Variants in RAPGEF6 observed in about 807,000 individuals in gnomAD.
The protein encoded by RAPGEF6 is Rap guanine nucleotide exchange factor 6, also known as PDZ domain containing guanine nucleotide exchange factor (GEF) 2.
Under a neutral mutation model 171.4 loss-of-function variants are expected in RAPGEF6, and 56 were observed. That is an observed-to-expected ratio of 0.33 (90% CI 0.26 to 0.41). The LOEUF (loss-of-function observed/expected upper bound fraction) is 0.41, where lower values mean the gene tolerates loss of function less well. Ranked by LOEUF, RAPGEF6 falls within the 10% of genes least tolerant of loss-of-function variation. The probability of loss-of-function intolerance (pLI) is 1.00; values close to 1 mark genes in which losing one functional copy is unlikely to be tolerated. For missense variants in RAPGEF6, 1,674 were observed against 1,921.4 expected (o/e 0.87, Z 2.41); for synonymous variants, 692 against 650.1 (o/e 1.06, Z -0.98).
rs79403868 is a variant in RAPGEF6, at chr5:131,599,012, T to C, written c.197+4259A>G. Among the ~76,000 whole-genome samples the C allele has an allele frequency of 4.6e-5, 7 of 152,300 alleles. No individual in the cohort carries two copies. The East Asian group carries it at 1.4e-3, about 29-fold the overall frequency. ...GAATACAAACTCATGCTATCAGATA[T>C]CAAAACACACAGCTTAGGCCGAGCG... On this transcript the variant is annotated intron_variant, in intron 3 of 27. Transcript: ENST00000509018.
rs377112442 is a variant in RAPGEF6, at chr5:131,505,353, G to A, written c.1101+11C>T. 7 of 1,612,746 alleles carry A rather than the reference G, an allele frequency of 4.3e-6. No homozygotes were observed. Among genetic ancestry groups the A allele is most frequent in the Admixed American group, 1.7e-5 (1 of 59,958 alleles). On this transcript the variant is annotated intron_variant, in intron 10 of 27. Transcript: ENST00000509018. Reference sequence around the variant, plus strand: ...ACAGACAAGAAGACTTGACCAAAGAGATAATCTTACCTGACAATCATCTAC... The same window carrying A: ...ACAGACAAGAAGACTTGACCAAAGAAATAATCTTACCTGACAATCATCTAC...
intron 5 of RAPGEF6, among the ~76,000 whole-genome samples, chr5:131,560,041 T>C (rs1761496828): frequency 1.3e-5 from 2 of 152,280 alleles, no homozygotes; most frequent in South Asian, 4.1e-4. Context: ...AAATTTCACC[T>C]ATTTTGGATT....
chr5:131,587,004 C>T (rs1010208960), intron 4 of RAPGEF6, among the ~76,000 whole-genome samples: 8 of 152,146 alleles, frequency 5.3e-5, no homozygotes, highest in African/African-American at 1.4e-4. Context: ...AAGAGCCTGG[C>T]CCCTCCTCTT....
intron 3 of RAPGEF6, among the ~76,000 whole-genome samples, chr5:131,594,411 G>C (rs1365746065): frequency 1.3e-5 from 2 of 152,376 alleles, no homozygotes; most frequent in East Asian, 3.9e-4. Flanking sequence ...GAGGATGTAT[G>C]GAAATGCCTG....
chr5:131,463,606 G>A (rs980524341), intron 18 of RAPGEF6: 28 of 653,854 alleles, frequency 4.3e-5, no homozygotes, highest in Admixed American at 6.4e-5. Context: ...CCAGAGTAAG[G>A]AACAAATGTA....
intron 27 of RAPGEF6, 127 bp downstream of exon 27, chr5:131,428,775 T>A (rs1751522754): frequency 9.1e-7 from 1 of 1,093,810 alleles, no homozygotes. Flanking sequence ...AGGAACTTCT[T>A]ACTTTTTAAC....
At chr5:131,554,658 T>G (rs1210874313) in intron 5 of RAPGEF6, among the ~76,000 whole-genome samples, 1 of 152,088 alleles carries the variant, frequency 6.6e-6, no homozygotes, top group African/African-American at 2.4e-5. Context: ...TAGCTGGGAT[T>G]AGAGGCGCCT....
chr5:131,431,427 G>T, intron 25 of RAPGEF6, 78 bp from the exon 26 acceptor site: 1 of 1,474,548 alleles, frequency 6.8e-7, no homozygotes, highest in Non-Finnish European at 9.1e-7. Flanking sequence ...ATTATTGCCT[G>T]TGAGAAACTA....
At chr5:131,607,695 A>G (rs1282933751) in intron 1 of RAPGEF6, among the ~76,000 whole-genome samples, 2 of 152,186 alleles carry the variant, frequency 1.3e-5, no homozygotes, top group Non-Finnish European at 2.9e-5. Flanking sequence ...GTACCCTTAG[A>G]GTCCTTGGTA....
chr5:131,554,356 TAAGA>T (rs2149957419), intron 5 of RAPGEF6, among the ~76,000 whole-genome samples: 1 of 152,252 alleles, frequency 6.6e-6, no homozygotes, highest in Non-Finnish European at 1.5e-5. Flanking sequence ...GTCTCATATA[TAAGA>T]AAGAACTAAA....
chr5:131,508,937 A>C (rs968281293), intron 8 of RAPGEF6, among the ~76,000 whole-genome samples: 1 of 152,248 alleles, frequency 6.6e-6, no homozygotes, highest in African/African-American at 2.4e-5. Context: ...GATAACGTTC[A>C]TAACATAAAT....
At chr5:131,526,092 C>T (rs1758855691) in intron 6 of RAPGEF6, among the ~76,000 whole-genome samples, 1 of 152,136 alleles carries the variant, frequency 6.6e-6, no homozygotes, top group African/African-American at 2.4e-5. Flanking sequence ...CTGCTGATGA[C>T]ATAAAAATGA....
chr5:131,589,422 T>C (rs1287114236), intron 4 of RAPGEF6, among the ~76,000 whole-genome samples: 1 of 152,208 alleles, frequency 6.6e-6, no homozygotes, highest in Non-Finnish European at 1.5e-5. Flanking sequence ...GCAATGATTG[T>C]TGTTGTGTGT....
chr5:131,440,737 C>CAAA lies in RAPGEF6; in HGVS notation c.3611-1025_3611-1023dup, dbSNP rs1168441695. Among the ~76,000 whole-genome samples the CAAA allele has an allele frequency of 9.4e-4, 63 of 66,770 alleles. 1 individual carries two copies. The highest frequency in any genetic ancestry group is 2.0e-3 in the African/African-American group (40 of 19,694). The allele number at this position is 66,770 out of a possible 152,430, so 43.8% of individuals were successfully genotyped here. On this transcript the variant is annotated intron_variant, in intron 23 of 27. Transcript: ENST00000509018. ...TGGGCGACAGAGGGAGACTCTGTCT[C>CAAA]AAAAAAAAAAAAAAAAAAAAAAAAG...
At chr5:131,553,414 T>C (rs1361565330) in intron 5 of RAPGEF6, among the ~76,000 whole-genome samples, 1 of 151,304 alleles carries the variant, frequency 6.6e-6, no homozygotes, top group African/African-American at 2.4e-5. Context: ...AAAGGAAAGG[T>C]AAAACAAAAC....
intron 1 of RAPGEF6, among the ~76,000 whole-genome samples, chr5:131,628,127 C>A (rs894223455): frequency 2.0e-5 from 3 of 152,168 alleles, no homozygotes; most frequent in Admixed American, 1.3e-4. Context: ...TCACCTATCT[C>A]TCACTTTAAA....
At chr5:131,463,615 T>C in intron 18 of RAPGEF6, 2 of 678,456 alleles carry the variant, frequency 2.9e-6, no homozygotes, top group Middle Eastern at 7.5e-4. Flanking sequence ...GGAACAAATG[T>C]ACTACAGAAA....
chr5:131,574,370 A>C lies in RAPGEF6; in HGVS notation c.282-12323T>G, dbSNP rs1437332953. Among the ~76,000 whole-genome samples the C allele has an allele frequency of 1.1e-4, 17 of 152,206 alleles. No individual in the cohort carries two copies. The East Asian group carries it at 2.5e-3, about 22-fold the overall frequency. ...CCCGATCGCCTTGGAAGACCCCTGG[A>C]CCATCATGGATGCCGAGCTTCGGGT... is the stretch of plus-strand genomic sequence containing the variant. On this transcript the variant is annotated intron_variant, in intron 4 of 27. Transcript: ENST00000509018.
intron 5 of RAPGEF6, among the ~76,000 whole-genome samples, chr5:131,558,808 T>G (rs764022701): frequency 6.6e-6 from 1 of 152,214 alleles, no homozygotes; most frequent in African/African-American, 2.4e-5. Flanking sequence ...GGTCAGAAAC[T>G]ATAAAATTTT....
Sources: gnomAD v4.1 joint callset for allele counts (sites outside exome capture counted in the v4.1 genomes callset) on GRCh38, gnomAD v4.1.1 for gene constraint, MANE v1.5 for transcripts, NCBI Gene and HGNC (gene_info 2026-07-23, HGNC 2026-07-21) for gene names.